Variants in CORIN observed in about 807,000 individuals in gnomAD.
CORIN encodes atrial natriuretic peptide-converting enzyme.
In CORIN, 117 loss-of-function variants were observed where a neutral mutation model predicts 125.3. The ratio of observed to expected loss-of-function variants is 0.93; its 90% CI spans 0.80 to 1.09. CORIN has a LOEUF of 1.09. CORIN is among the 50% of genes least tolerant of loss of function. The probability of loss-of-function intolerance (pLI) is 0.00; values close to 1 mark genes in which losing one functional copy is unlikely to be tolerated. For synonymous variants in CORIN, 450 were observed against 466.4 expected, an observed-to-expected ratio of 0.96 and a Z score of 0.45; for missense variants, 1,253 against 1,306.7, an observed-to-expected ratio of 0.96 and a Z score of 0.63.
In CORIN at chr4:47,639,596, A is replaced by G. The variant is rs116684007; in HGVS notation, c.2198+2324T>C. Among the ~76,000 whole-genome samples the G allele has an allele frequency of 7.0e-3, 1,067 of 152,334 alleles. 17 individuals carry two copies. The highest frequency in any genetic ancestry group is 0.024 in the African/African-American group (1,005 of 41,566). ...CAGGCTGGCATAAACTCCACTCCAGAAGCTAAGAAGGAACACCATTCCCAC... is the reference window on the plus strand; with the variant it reads ...CAGGCTGGCATAAACTCCACTCCAGGAGCTAAGAAGGAACACCATTCCCAC... On this transcript the variant is annotated intron_variant, in intron 16 of 21. Transcript: ENST00000273857.
chr4:47,689,239 C>T lies in CORIN; in HGVS notation c.913+3731G>A, dbSNP rs145991788. ...TCCTAGTGCTTTTTGAGACTTACTGCATGCAAGACATTGGTCTATATGCTT... is the reference window on the plus strand; with the variant it reads ...TCCTAGTGCTTTTTGAGACTTACTGTATGCAAGACATTGGTCTATATGCTT... On this transcript the variant is annotated intron_variant, in intron 6 of 21. Transcript: ENST00000273857. Among the ~76,000 whole-genome samples, 22 of 152,280 alleles carry T rather than the reference C, an allele frequency of 1.4e-4. No homozygotes were observed. The East Asian group carries it at 2.1e-3, about 15-fold the overall frequency.
chr4:47,659,288 G>A (rs543887390), intron 12 of CORIN, among the ~76,000 whole-genome samples: 22 of 152,096 alleles, frequency 1.4e-4, no homozygotes, highest in Non-Finnish European at 2.5e-4. Flanking sequence ...CTGTTACCCG[G>A]TTCCAAAGTT....
intron 5 of CORIN, among the ~76,000 whole-genome samples, chr4:47,742,937 T>C (rs1270648680): frequency 2.0e-5 from 3 of 152,224 alleles, no homozygotes; most frequent in African/African-American, 7.2e-5. Flanking sequence ...ATACATGTAA[T>C]CATTCACTTG....
intron 3 of CORIN, among the ~76,000 whole-genome samples, chr4:47,774,821 G>A (rs1353079517): frequency 6.6e-6 from 1 of 152,194 alleles, no homozygotes; most frequent in East Asian, 1.9e-4. Flanking sequence ...CATGAAACTT[G>A]AGGACATTAT....
intron 4 of CORIN, among the ~76,000 whole-genome samples, chr4:47,761,328 A>T (rs981183998): frequency 6.6e-6 from 1 of 152,202 alleles, no homozygotes; most frequent in Non-Finnish European, 1.5e-5. Flanking sequence ...CTTAGAGGCC[A>T]TTGTAGGGTT....
intron 3 of CORIN, among the ~76,000 whole-genome samples, chr4:47,785,937 TAGG>T (rs1231223849): frequency 7.9e-6 from 1 of 125,994 alleles, no homozygotes; most frequent in East Asian, 2.3e-4. Flanking sequence ...AAAAGGTAAA[TAGG>T]GGGATAGCTC....
At chr4:47,656,300 C>A (rs1244168534) in intron 12 of CORIN, among the ~76,000 whole-genome samples, 2 of 151,824 alleles carry the variant, frequency 1.3e-5, no homozygotes, top group Non-Finnish European at 2.9e-5. Context: ...GGATTACAGG[C>A]GCCTGCCACC....
chr4:47,763,069 T>C (rs1419432105), intron 4 of CORIN, among the ~76,000 whole-genome samples: 1 of 152,146 alleles, frequency 6.6e-6, no homozygotes. Flanking sequence ...GCTCCATAAA[T>C]AGTCTCTTCA....
intron 1 of CORIN, among the ~76,000 whole-genome samples, chr4:47,827,904 T>C (rs961089548): frequency 2.0e-5 from 3 of 152,148 alleles, no homozygotes; most frequent in Non-Finnish European, 4.4e-5. Flanking sequence ...CATAGCTGCA[T>C]ACATAGGTAA....
intron 2 of CORIN, among the ~76,000 whole-genome samples, chr4:47,805,810 G>T (rs1731767545): frequency 6.6e-6 from 1 of 152,102 alleles, no homozygotes; most frequent in African/African-American, 2.4e-5. Context: ...AAACCAGTAA[G>T]AAAATAATAG....
intron 3 of CORIN, among the ~76,000 whole-genome samples, chr4:47,769,556 A>G (rs1387545169): frequency 3.3e-5 from 5 of 152,074 alleles, no homozygotes; most frequent in Non-Finnish European, 7.4e-5. Flanking sequence ...CACAAAAAAC[A>G]AAGAACCAAA....
At chr4:47,619,152 T>C (rs943001079) in intron 19 of CORIN, among the ~76,000 whole-genome samples, 1 of 152,226 alleles carries the variant, frequency 6.6e-6, no homozygotes, top group Non-Finnish European at 1.5e-5. Flanking sequence ...AAACCATTCT[T>C]CCTTAGAACT....
At chr4:47,725,162 G>C (rs1049760994) in intron 5 of CORIN, among the ~76,000 whole-genome samples, 1 of 152,052 alleles carries the variant, frequency 6.6e-6, no homozygotes, top group Non-Finnish European at 1.5e-5. Flanking sequence ...TTCATGGTTT[G>C]AAAGACTTAA....
At chr4:47,739,231 G>C (rs1001262634) in intron 5 of CORIN, among the ~76,000 whole-genome samples, 3 of 150,454 alleles carry the variant, frequency 2.0e-5, no homozygotes, top group Non-Finnish European at 4.4e-5. Context: ...AACTCTAAAG[G>C]ATCTACACTT....
chr4:47,758,098 T>A (rs1411123458), intron 4 of CORIN, among the ~76,000 whole-genome samples: 1 of 151,714 alleles, frequency 6.6e-6, no homozygotes, highest in African/African-American at 2.4e-5. Flanking sequence ...GTATTTTTAG[T>A]AGAGACGGGG....
intron 10 of CORIN, among the ~76,000 whole-genome samples, chr4:47,672,995 AG>A (rs1724833440): frequency 6.6e-6 from 1 of 152,076 alleles, no homozygotes; most frequent in Non-Finnish European, 1.5e-5. Context: ...GCGAAACTGC[AG>A]CAAATGCAAG....
chr4:47,600,650 C>G (rs993836957), intron 20 of CORIN, among the ~76,000 whole-genome samples: 1 of 152,056 alleles, frequency 6.6e-6, no homozygotes, highest in African/African-American at 2.4e-5. Flanking sequence ...AAAACAATAG[C>G]TACTACAAAG....
chr4:47,669,585 T>TTTG (rs989824496), intron 10 of CORIN, among the ~76,000 whole-genome samples: 1 of 149,228 alleles, frequency 6.7e-6, no homozygotes. Context: ...TTTTTTTTTT[T>TTTG]TGTGACAGAG....
At chr4:47,613,625 G>A (rs1366418178) in intron 19 of CORIN, among the ~76,000 whole-genome samples, 1 of 151,482 alleles carries the variant, frequency 6.6e-6, no homozygotes, top group African/African-American at 2.4e-5. Context: ...ATACTATGCA[G>A]CCATAAAAAA....
Sources: allele counts gnomAD v4.1 joint callset (sites outside exome capture counted in the v4.1 genomes callset), GRCh38; gene constraint gnomAD v4.1.1; transcripts MANE v1.5; gene names NCBI Gene and HGNC (gene_info 2026-07-23, HGNC 2026-07-21).